The following SNX29 variants were observed in gnomAD, a reference collection of about 807,000 sequenced individuals.
The protein encoded by SNX29 is sorting nexin 29, also known as sorting nexin-29.
Under a neutral mutation model 102.1 loss-of-function variants are expected in SNX29, and 78 were observed. The ratio of observed to expected loss-of-function variants is 0.76; its 90% CI spans 0.64 to 0.92. The LOEUF is 0.92. Among genes scored for constraint, SNX29 ranks in the 40% least tolerant of loss-of-function variants. The pLI, the probability that SNX29 is intolerant of heterozygous loss-of-function variation, is 0.00. For missense variants in SNX29, 1,280 were observed against 1,061.7 expected, an observed-to-expected ratio of 1.21 and a Z score of -2.86; for synonymous variants, 580 against 414.5, an observed-to-expected ratio of 1.40 and a Z score of -4.85.
intron 13 of SNX29, among the ~76,000 whole-genome samples, chr16:12,182,660 T>A (rs1266044852): frequency 6.6e-6 from 1 of 152,140 alleles, no homozygotes. Flanking sequence ...TGAGGCCCGA[T>A]GCAGTGGCTT....
chr16:12,444,842 G>GT (rs34218008), intron 18 of SNX29, among the ~76,000 whole-genome samples: 83,257 of 132,412 alleles, frequency 0.63, 26,585 homozygotes, highest in South Asian at 0.77. Flanking sequence ...GTTTTTTTTT[G>GT]TTTTTTTTTT....
chr16:12,285,211 T>G (rs892982780), intron 15 of SNX29, among the ~76,000 whole-genome samples: 4 of 152,238 alleles, frequency 2.6e-5, no homozygotes, highest in African/African-American at 9.6e-5. Flanking sequence ...ACTCACTGTT[T>G]AGCAGGGCTT....
intron 9 of SNX29, among the ~76,000 whole-genome samples, chr16:12,063,737 C>A (rs2050892325): frequency 6.6e-6 from 1 of 151,738 alleles, no homozygotes; most frequent in South Asian, 2.1e-4. Context: ...CCACACCATG[C>A]CTCAGTCACA....
At chr16:12,017,048 G>C (rs2056871349) in intron 3 of SNX29, among the ~76,000 whole-genome samples, 1 of 152,140 alleles carries the variant, frequency 6.6e-6, no homozygotes, top group Admixed American at 6.6e-5. Context: ...AAGATCACTG[G>C]GACCCGGGAG....
Position 12,574,159 on chromosome 16 carries a change from T to TC in SNX29, c.*5530_*5531insC, listed in dbSNP as rs1230332306. ...AGGATTTTTAAACAAATGTGTTTAA[T>TC]TTTTTAAGATCTCTTGTATTAAAAT... On this transcript the variant is annotated 3_prime_UTR_variant, in exon 21 of 21. Transcript: ENST00000566228. 1.1e-5 allele frequency: 2 copies of TC among 181,026 alleles called. No homozygotes were observed. Among genetic ancestry groups the TC allele is most frequent in the Admixed American group, 6.3e-5 (1 of 15,912 alleles). 11.2% of individuals were successfully genotyped at this position (181,026 alleles called of 1,614,324 possible). A position where few individuals can be genotyped will look rare whatever the true frequency, so the allele number is the denominator to read the frequency against.
At chr16:12,444,286 ATG>A (rs1294870751) in intron 18 of SNX29, among the ~76,000 whole-genome samples, 2 of 21,068 alleles carry the variant, frequency 9.5e-5, no homozygotes, top group African/African-American at 3.0e-4. Flanking sequence ...AGCACCTAGC[ATG>A]TAGTAAGCAC....
At chr16:12,036,301 C>T (rs1040863470) in intron 4 of SNX29, among the ~76,000 whole-genome samples, 1 of 147,996 alleles carries the variant, frequency 6.8e-6, no homozygotes, top group African/African-American at 2.5e-5. Flanking sequence ...GTTGCCCAGG[C>T]TGGTCTTGGG....
chr16:12,043,727 G>C (rs1274683719), intron 5 of SNX29, among the ~76,000 whole-genome samples: 1 of 139,950 alleles, frequency 7.1e-6, no homozygotes, highest in Non-Finnish European at 1.6e-5. Flanking sequence ...TTTTACATTG[G>C]GGAAGGAAGT....
intron 18 of SNX29, among the ~76,000 whole-genome samples, chr16:12,448,436 G>A (rs910461810): frequency 2.6e-5 from 4 of 151,184 alleles, no homozygotes; most frequent in African/African-American, 9.7e-5. Context: ...TTCATAAAGT[G>A]CAGATTATTA....
At chr16:12,061,390 C>A in intron 8 of SNX29, 138 bp from the exon 9 acceptor site, 1 of 668,452 alleles carries the variant, frequency 1.5e-6, no homozygotes, top group East Asian at 2.7e-5. Flanking sequence ...CGCTCTACCT[C>A]CCAGCCCACA....
rs186999829 is a variant in SNX29 at position 12,067,450 on chromosome 16, C to T, written c.1244-1607C>T. 1.1e-3 allele frequency among the ~76,000 whole-genome samples: 160 copies of T among 152,210 alleles called. 1 individual carries two copies. The highest frequency in any genetic ancestry group is 3.3e-3 in the Admixed American group (51 of 15,286). ...CACCATGTTCCTTGTCCCCGATGCA[C>T]GGCTGGTTCCATAGTGGTCATTCAC... On this transcript the variant is annotated intron_variant, in intron 9 of 20. Transcript: ENST00000566228.
intron 18 of SNX29, among the ~76,000 whole-genome samples, chr16:12,412,382 G>T (rs996351155): frequency 6.6e-6 from 1 of 152,206 alleles, no homozygotes; most frequent in Non-Finnish European, 1.5e-5. Context: ...TTGTCTCAGT[G>T]AAATGAACCT....
At chr16:12,236,092 T>C (rs1387309921) in intron 14 of SNX29, among the ~76,000 whole-genome samples, 5 of 152,184 alleles carry the variant, frequency 3.3e-5, no homozygotes, top group South Asian at 2.1e-4. Context: ...CCAGAACTGC[T>C]TTACGTACTT....
At chr16:12,440,329 AG>A (rs1459562092) in intron 18 of SNX29, among the ~76,000 whole-genome samples, 1 of 152,216 alleles carries the variant, frequency 6.6e-6, no homozygotes, top group Non-Finnish European at 1.5e-5. Context: ...CTCTAATTCC[AG>A]AAGGTTTTCA....
intron 16 of SNX29, among the ~76,000 whole-genome samples, chr16:12,377,114 C>A (rs2082903136): frequency 6.6e-6 from 1 of 152,170 alleles, no homozygotes; most frequent in South Asian, 2.1e-4. Context: ...GTTCTCCAGG[C>A]CTATACAAGC....
chr16:12,108,053 G>A (rs2053339481), intron 11 of SNX29, among the ~76,000 whole-genome samples: 1 of 152,166 alleles, frequency 6.6e-6, no homozygotes, highest in Admixed American at 6.5e-5. Context: ...GAACCATAGA[G>A]ATTTTCCATT....
rs1274368760 is a variant in SNX29 at position 12,069,811 on chromosome 16, C to A, written c.1319+679C>A. 2.0e-5 allele frequency among the ~76,000 whole-genome samples: 3 copies of A among 152,220 alleles called. No homozygotes were observed. In the East Asian group the frequency reaches 5.8e-4, roughly 29 times the overall value. ...GTTCACGCCATTCTCCTGCCTCAGC[C>A]TCCTGAGTAGCTGGGACTACAGGCG... On this transcript the variant is annotated intron_variant, in intron 10 of 20. Coordinates refer to ENST00000566228, the MANE Select transcript of SNX29 (RefSeq NM_032167.5).
intron 15 of SNX29, among the ~76,000 whole-genome samples, chr16:12,353,183 T>G (rs928991973): frequency 1.3e-5 from 2 of 152,186 alleles, no homozygotes; most frequent in African/African-American, 4.8e-5. Flanking sequence ...CCTAGCACTG[T>G]GCCTGGAAGA....
chr16:12,018,707 A>G (rs1474621131), intron 3 of SNX29, among the ~76,000 whole-genome samples: 1 of 151,006 alleles, frequency 6.6e-6, no homozygotes, highest in Non-Finnish European at 1.5e-5. Context: ...TTCTTTGTGC[A>G]AATTTGTGGG....
Sources: allele counts gnomAD v4.1 joint callset (sites outside exome capture counted in the v4.1 genomes callset), GRCh38; gene constraint gnomAD v4.1.1; transcripts MANE v1.5; gene names NCBI Gene and HGNC (gene_info 2026-07-23, HGNC 2026-07-21).